The following DCAF8 variants were observed in gnomAD, a reference collection of about 807,000 sequenced individuals.
DCAF8 encodes DDB1 and CUL4 associated factor 8.
DCAF8 carries 20 observed loss-of-function variants against 68.0 expected under a neutral mutation model. That is an observed-to-expected ratio of 0.29 (90% confidence interval 0.21 to 0.43). The LOEUF is 0.43. DCAF8 is among the 20% of genes least tolerant of loss of function. DCAF8 has a pLI of 1.00. For synonymous variants in DCAF8, 230 were observed against 276.9 expected (o/e 0.83, Z 1.68); for missense variants, 460 against 771.0 (o/e 0.60, Z 4.78).
chr1:160,238,572 G>T, intron 5 of DCAF8, 35 bp downstream of exon 5: 1 of 1,568,630 alleles, frequency 6.4e-7, no homozygotes, highest in Non-Finnish European at 8.6e-7. Context: ...CAGAGGATTT[G>T]GATTGCACAA....
chr1:160,216,453 AAG>A lies in DCAF8; in HGVS notation c.*1137_*1138del, dbSNP rs1001310811. The A allele has an allele frequency of 6.6e-6, 1 of 152,390 alleles. No homozygotes were observed. The highest frequency in any genetic ancestry group is 1.5e-5 in the Non-Finnish European group (1 of 68,050). 9.4% of individuals were successfully genotyped at this position (152,390 alleles called of 1,614,324 possible). ...ATCCTTGGAACCCCCTACAAGACTTAAGGAGAGGTAGGAGATCTGAGGCAGAG... is the reference window on the plus strand; with the variant it reads ...ATCCTTGGAACCCCCTACAAGACTTAGAGAGGTAGGAGATCTGAGGCAGAG... On this transcript the variant is annotated 3_prime_UTR_variant, in exon 14 of 14. Transcript: ENST00000368074.
chr1:160,251,322 T>C (rs926175773), intron 2 of DCAF8, among the ~76,000 whole-genome samples: 1 of 152,216 alleles, frequency 6.6e-6, no homozygotes, highest in African/African-American at 2.4e-5. Flanking sequence ...TGGTATCAAC[T>C]AGTTCTACTT....
At chr1:160,260,137 T>C (rs1571120137) in intron 2 of DCAF8, among the ~76,000 whole-genome samples, 1 of 152,056 alleles carries the variant, frequency 6.6e-6, no homozygotes, top group East Asian at 1.9e-4. Flanking sequence ...CACGTGTTCT[T>C]AGATTACTAA....
chr1:160,253,416 G>A (rs572706465), intron 2 of DCAF8, among the ~76,000 whole-genome samples: 40 of 152,140 alleles, frequency 2.6e-4, no homozygotes, highest in African/African-American at 9.4e-4. Context: ...GGGAGGCTGA[G>A]GCGGGTGGAT....
intron 2 of DCAF8, among the ~76,000 whole-genome samples, chr1:160,248,163 C>T (rs571974410): frequency 6.6e-6 from 1 of 151,928 alleles, no homozygotes; most frequent in Non-Finnish European, 1.5e-5. Flanking sequence ...AAAAATTAGC[C>T]GGGCGTGGTG....
chr1:160,256,028 T>A (rs868492662), intron 2 of DCAF8, among the ~76,000 whole-genome samples: 2,516 of 147,372 alleles, frequency 0.017, 95 homozygotes, highest in African/African-American at 0.06. Context: ...TTTTTTTTTT[T>A]TTTTTTTTTT....
intron 7 of DCAF8, among the ~76,000 whole-genome samples, chr1:160,228,610 C>CTT (rs59684865): frequency 0.43 from 60,117 of 140,770 alleles, 13,874 homozygotes; most frequent in South Asian, 0.61. Context: ...CTCTACTTAC[C>CTT]TTTTTTTTTT....
At chr1:160,222,451 T>C (rs1485599955) in intron 11 of DCAF8, among the ~76,000 whole-genome samples, 200 bp downstream of exon 11, 2 of 152,204 alleles carry the variant, frequency 1.3e-5, no homozygotes, top group Admixed American at 6.5e-5. Context: ...AACTGTGCTT[T>C]ACAGGGACAG....
At chr1:160,240,434 T>TTAG in intron 3 of DCAF8, 64 bp from the exon 4 acceptor site, 1 of 1,457,582 alleles carries the variant, frequency 6.9e-7, no homozygotes, top group Non-Finnish European at 9.2e-7. Context: ...AGTGACCACC[T>TTAG]TAGTCTAAGA....
chr1:160,242,122 G>A (rs1396733677), intron 3 of DCAF8, among the ~76,000 whole-genome samples: 2 of 152,078 alleles, frequency 1.3e-5, no homozygotes, highest in East Asian at 1.9e-4. Flanking sequence ...GCATGTGCCT[G>A]TAATCCCAGC....
chr1:160,262,306 C>T, intron 1 of DCAF8, 143 bp downstream of exon 1: 1 of 399,336 alleles, frequency 2.5e-6, no homozygotes, highest in South Asian at 1.3e-4. Context: ...GGGTGTCCGG[C>T]TGGGGCAGTT....
intron 2 of DCAF8, among the ~76,000 whole-genome samples, chr1:160,260,907 G>C (rs1571120927): frequency 6.6e-6 from 1 of 152,050 alleles, no homozygotes; most frequent in East Asian, 1.9e-4. Flanking sequence ...GAAGAGACCT[G>C]ATTTGACAAC....
Position 160,240,318 on chromosome 1 carries a change from C to T in DCAF8, c.102G>A (p.Glu34=), listed in dbSNP as rs1656061263. ...EEMSGAEEGR[E]TSSGIEVEAS... ...CCTCCACTTCAATGCCTGAGGATGT[C>T]TCCCTCCCCTCTTCAGCTCCAGACA... Residue 34 remains glutamate (E), a synonymous_variant, in exon 4 of 14, where the codon GAG becomes GAA. Transcript: ENST00000368074. 2 of 1,613,624 alleles carry T rather than the reference C, an allele frequency of 1.2e-6. No individual in the cohort carries two copies. Among genetic ancestry groups the T allele is most frequent in the African/African-American group, 1.3e-5 (1 of 74,920 alleles).
intron 7 of DCAF8, among the ~76,000 whole-genome samples, chr1:160,225,945 G>C (rs543487467): frequency 1.2e-4 from 18 of 152,132 alleles, no homozygotes; most frequent in Non-Finnish European, 2.2e-4. Flanking sequence ...ATGGGTTCAA[G>C]CAATTCTCTT....
rs1212862171 is a variant in DCAF8, at chr1:160,233,043, G to A, written c.960-1636C>T. On this transcript the variant is annotated intron_variant, in intron 6 of 13. Transcript: ENST00000368074. ...AAGGAAAGACTTCAAGAAACTATAG[G>A]AAGAGGCTTGGCTTTAGTTTTTGTT... Among the ~76,000 whole-genome samples, 5 of 152,152 alleles carry A rather than the reference G, an allele frequency of 3.3e-5. No homozygotes were observed. The East Asian group carries it at 9.7e-4, about 29-fold the overall frequency.
chr1:160,238,549 TG>T, intron 5 of DCAF8, 57 bp downstream of exon 5: 1 of 1,512,574 alleles, frequency 6.6e-7, no homozygotes, highest in Non-Finnish European at 8.9e-7. Flanking sequence ...GGGAGAACCT[TG>T]GCTGAGAACC....
chr1:160,243,878 CA>C, intron 3 of DCAF8, 81 bp downstream of exon 3: 2 of 1,405,704 alleles, frequency 1.4e-6, no homozygotes, highest in Non-Finnish European at 2.0e-6. Flanking sequence ...CACTAAAATC[CA>C]GGCCTCCACT....
At chr1:160,258,240 G>A (rs1656917283) in intron 2 of DCAF8, among the ~76,000 whole-genome samples, 2 of 152,036 alleles carry the variant, frequency 1.3e-5, no homozygotes, top group South Asian at 2.1e-4. Context: ...CCAGCTACTC[G>A]AGAGGCTGAG....
intron 7 of DCAF8, among the ~76,000 whole-genome samples, chr1:160,229,753 G>A (rs1453414572): frequency 6.6e-6 from 1 of 152,190 alleles, no homozygotes; most frequent in Admixed American, 6.5e-5. Flanking sequence ...CAGGCACAGT[G>A]GCTCATGCCT....
Sources: allele counts gnomAD v4.1 joint callset (sites outside exome capture counted in the v4.1 genomes callset), GRCh38; gene constraint gnomAD v4.1.1; transcripts MANE v1.5; gene names NCBI Gene and HGNC (gene_info 2026-07-23, HGNC 2026-07-21).